CACNA1D: variants seen among roughly 807,000 people sequenced by gnomAD.
CACNA1D encodes voltage-dependent L-type calcium channel subunit alpha-1D.
Under a neutral mutation model 257.1 loss-of-function variants are expected in CACNA1D, and 55 were observed. The ratio of observed to expected loss-of-function variants is 0.21; its 90% CI spans 0.17 to 0.27. CACNA1D has a LOEUF of 0.27. CACNA1D is among the 10% of genes least tolerant of loss of function. The probability of loss-of-function intolerance (pLI) is 1.00; values close to 1 mark genes in which losing one functional copy is unlikely to be tolerated. For missense variants in CACNA1D, 1,876 were observed against 2,784.0 expected, an observed-to-expected ratio of 0.67 and a Z score of 7.34; for synonymous variants, 980 against 1,014.9, an observed-to-expected ratio of 0.97 and a Z score of 0.65.
intron 43 of CACNA1D, 118 bp from the exon 44 acceptor site, chr3:53,803,305 C>T (rs956831179): frequency 2.2e-5 from 23 of 1,058,462 alleles, no homozygotes; most frequent in African/African-American, 1.9e-4. Flanking sequence ...GAGGCAGGTG[C>T]GCGCTGGGAG....
At chr3:53,625,366 C>G (rs183477237) in intron 3 of CACNA1D, among the ~76,000 whole-genome samples, 234 of 152,270 alleles carry the variant, frequency 1.5e-3, no homozygotes, top group Non-Finnish European at 2.2e-3. Context: ...TCTCCCACAC[C>G]TTCTCTCGAG....
At chr3:53,679,718 A>C (rs548465750) in intron 8 of CACNA1D, 3 of 152,254 alleles carry the variant, frequency 2.0e-5, no homozygotes, top group Non-Finnish European at 4.4e-5. Context: ...GTAGCAAAGT[A>C]CTTCCCCACA....
chr3:53,802,358 A>G (rs1037859580), intron 43 of CACNA1D, among the ~76,000 whole-genome samples, 185 bp downstream of exon 43: 9 of 152,204 alleles, frequency 5.9e-5, no homozygotes, highest in Admixed American at 5.9e-4. Context: ...TCAGATCCAT[A>G]TCTCTGTCGA....
chr3:53,611,309 C>T (rs746354137), intron 3 of CACNA1D, among the ~76,000 whole-genome samples: 2 of 152,140 alleles, frequency 1.3e-5, no homozygotes, highest in Middle Eastern at 3.2e-3. Flanking sequence ...TGCTTAAGTC[C>T]AGGAGTTGGA....
chr3:53,784,366 C>T (rs559250112), intron 39 of CACNA1D, among the ~76,000 whole-genome samples: 1 of 152,294 alleles, frequency 6.6e-6, no homozygotes, highest in African/African-American at 2.4e-5. Flanking sequence ...CTTTTCAGTC[C>T]GGAGCCCAGA....
At chr3:53,705,765 CCT>C (rs1351349508) in intron 9 of CACNA1D, among the ~76,000 whole-genome samples, 1 of 152,204 alleles carries the variant, frequency 6.6e-6, no homozygotes, top group African/African-American at 2.4e-5. Context: ...GAGGAGAGAA[CCT>C]CTCTGATCAC....
At chr3:53,680,668 A>T (rs1333821994) in intron 8 of CACNA1D, among the ~76,000 whole-genome samples, 1 of 152,226 alleles carries the variant, frequency 6.6e-6, no homozygotes, top group Non-Finnish European at 1.5e-5. Context: ...AGTTGAAATT[A>T]AAGCCATAAT....
chr3:53,727,655 T>G (rs1156694482), intron 15 of CACNA1D, among the ~76,000 whole-genome samples: 1 of 152,200 alleles, frequency 6.6e-6, no homozygotes, highest in Non-Finnish European at 1.5e-5. Flanking sequence ...TGGTTCTCGG[T>G]GTTTTATCTC....
chr3:53,589,570 G>A (rs1195331574), intron 3 of CACNA1D, among the ~76,000 whole-genome samples: 1 of 152,104 alleles, frequency 6.6e-6, no homozygotes, highest in Non-Finnish European at 1.5e-5. Context: ...GATGTCCCCT[G>A]GTTCACTGAT....
rs191262575 is a variant in CACNA1D, at chr3:53,713,398, A to G, written c.1391-4903A>G. ...ATCATTTTTGACCTCATCAGCCTCC[A>G]TCACTGAAGGTTGATCTGAGATTTT... On this transcript the variant is annotated intron_variant, in intron 9 of 47. Coordinates refer to ENST00000350061, the MANE Select transcript of CACNA1D (RefSeq NM_001128840.3). Among the ~76,000 whole-genome samples, 141 of 152,228 alleles carry G rather than the reference A, an allele frequency of 9.3e-4. 3 individuals carry two copies. In the South Asian group the frequency reaches 0.029, roughly 31 times the overall value.
At chr3:53,696,165 A>G (rs2094571383) in intron 8 of CACNA1D, among the ~76,000 whole-genome samples, 1 of 151,990 alleles carries the variant, frequency 6.6e-6, no homozygotes, top group Non-Finnish European at 1.5e-5. Flanking sequence ...ATGGGGTCTC[A>G]CTCTGTTGCC....
At chr3:53,726,230 G>A (rs1443848469) in intron 14 of CACNA1D, among the ~76,000 whole-genome samples, 1 of 152,202 alleles carries the variant, frequency 6.6e-6, no homozygotes, top group Non-Finnish European at 1.5e-5. Flanking sequence ...CCTAGTGCTT[G>A]TTTTCTTTGT....
chr3:53,651,366 C>CTTTTTTTTTTTTGT (rs2094092099), intron 4 of CACNA1D, among the ~76,000 whole-genome samples: 1 of 81,836 alleles, frequency 1.2e-5, no homozygotes, highest in Non-Finnish European at 2.3e-5. Context: ...TATTAATTTT[C>CTTTTTTTTTTTTGT]TTTTTTTTTT....
At chr3:53,690,158 C>T (rs2094506578) in intron 8 of CACNA1D, among the ~76,000 whole-genome samples, 1 of 152,190 alleles carries the variant, frequency 6.6e-6, no homozygotes, top group Admixed American at 6.5e-5. Flanking sequence ...CTGTCTGTCT[C>T]CAGAGCCCAA....
intron 3 of CACNA1D, among the ~76,000 whole-genome samples, chr3:53,566,581 G>C (rs1389638490): frequency 6.6e-6 from 1 of 152,126 alleles, no homozygotes; most frequent in Non-Finnish European, 1.5e-5. Context: ...TCACTTCCTA[G>C]AGGACCAGGG....
At chr3:53,560,672 T>G (rs2092721224) in intron 3 of CACNA1D, among the ~76,000 whole-genome samples, 1 of 152,248 alleles carries the variant, frequency 6.6e-6, no homozygotes, top group Non-Finnish European at 1.5e-5. Flanking sequence ...ACATAACTAG[T>G]AAAGATAGCT....
chr3:53,658,288 ATTT>A (rs1385763647), intron 4 of CACNA1D, among the ~76,000 whole-genome samples: 8 of 151,530 alleles, frequency 5.3e-5, no homozygotes, highest in African/African-American at 1.5e-4. Context: ...CAGTTTTGTC[ATTT>A]TATAGAGAGG....
At chr3:53,692,716 A>G (rs945497013) in intron 8 of CACNA1D, among the ~76,000 whole-genome samples, 1 of 152,226 alleles carries the variant, frequency 6.6e-6, no homozygotes, top group Non-Finnish European at 1.5e-5. Flanking sequence ...TTCCCAAAAG[A>G]TGAAAACTGT....
intron 45 of CACNA1D, among the ~76,000 whole-genome samples, chr3:53,805,781 CCCT>C (rs536565458): frequency 2.3e-4 from 33 of 146,306 alleles, no homozygotes; most frequent in Admixed American, 4.1e-4. Context: ...CCCTCTTCCT[CCCT>C]CATCTTCCCT....
Sources: allele counts gnomAD v4.1 joint callset (sites outside exome capture counted in the v4.1 genomes callset), GRCh38; gene constraint gnomAD v4.1.1; transcripts MANE v1.5; gene names NCBI Gene and HGNC (gene_info 2026-07-23, HGNC 2026-07-21).